KIF27: variants seen among roughly 807,000 people sequenced by gnomAD.
The protein encoded by KIF27 is kinesin-like protein KIF27.
In KIF27, 84 loss-of-function variants were observed where a neutral mutation model predicts 141.8. The ratio of observed to expected loss-of-function variants is 0.59; its 90% CI spans 0.50 to 0.71. The LOEUF is 0.71. Among genes scored for constraint, KIF27 ranks in the 30% least tolerant of loss-of-function variants. The pLI is 0.00. For synonymous variants in KIF27, 471 were observed against 569.5 expected (o/e 0.83, Z 2.46); for missense variants, 1,306 against 1,628.4 (o/e 0.80, Z 3.41).
At chr9:83,913,975 G>A (rs1217232285) in intron 2 of KIF27, among the ~76,000 whole-genome samples, 1 of 151,858 alleles carries the variant, frequency 6.6e-6, no homozygotes, top group East Asian at 1.9e-4. Context: ...CATCCAAAAT[G>A]TTCTTAATGG....
Position 83,907,389 on chromosome 9 carries a change from A to G in KIF27, c.499+1063T>C, listed in dbSNP as rs150089706. Among the ~76,000 whole-genome samples the G allele has an allele frequency of 4.0e-5, 6 of 151,504 alleles. No individual in the cohort carries two copies. In the South Asian group the frequency reaches 1.2e-3, roughly 31 times the overall value. On this transcript the variant is annotated intron_variant, in intron 3 of 17. Transcript: ENST00000297814. ...TGGAAGGAAACCCACCAAAAAGAGA[A>G]GTTGGTATTTCTAGGCGCTAGGATT...
chr9:83,872,008 C>T (rs1420816242), intron 11 of KIF27, among the ~76,000 whole-genome samples: 1 of 150,714 alleles, frequency 6.6e-6, no homozygotes, highest in Non-Finnish European at 1.5e-5. Context: ...AGCCTCCATC[C>T]ACATCTTAAG....
chr9:83,917,132 C>A (rs565209899), intron 1 of KIF27, among the ~76,000 whole-genome samples: 7 of 151,930 alleles, frequency 4.6e-5, no homozygotes, highest in Admixed American at 6.6e-5. Context: ...TCCCTCCCCC[C>A]TTCCCCCACC....
chr9:83,905,790 A>G (rs1954457818), intron 3 of KIF27, among the ~76,000 whole-genome samples: 1 of 152,190 alleles, frequency 6.6e-6, no homozygotes, highest in South Asian at 2.1e-4. Context: ...GTGAAGTAGG[A>G]CCCAGAAATC....
chr9:83,875,560 A>G (rs1951147249), intron 11 of KIF27, among the ~76,000 whole-genome samples: 1 of 152,198 alleles, frequency 6.6e-6, no homozygotes, highest in Admixed American at 6.6e-5. Flanking sequence ...AGGATGGAGT[A>G]TAGAAGAGGG....
chr9:83,839,269 C>A (rs1043709774), intron 17 of KIF27, among the ~76,000 whole-genome samples: 1 of 152,170 alleles, frequency 6.6e-6, no homozygotes, highest in Non-Finnish European at 1.5e-5. Context: ...GAGGCTCACT[C>A]CAAAGCCCAC....
chr9:83,862,889 A>C (rs1377627846), intron 13 of KIF27, among the ~76,000 whole-genome samples: 1 of 152,164 alleles, frequency 6.6e-6, no homozygotes, highest in Non-Finnish European at 1.5e-5. Flanking sequence ...GAGATCCTTC[A>C]CATCCCTGGT....
At chr9:83,856,106 T>A (rs1240972996) in intron 14 of KIF27, among the ~76,000 whole-genome samples, 1 of 152,160 alleles carries the variant, frequency 6.6e-6, no homozygotes, top group Non-Finnish European at 1.5e-5. Context: ...TGCTTTATGA[T>A]AGAGCACTGC....
chr9:83,841,882 T>G (rs1946612654), intron 17 of KIF27, among the ~76,000 whole-genome samples: 1 of 152,204 alleles, frequency 6.6e-6, no homozygotes, highest in South Asian at 2.1e-4. Context: ...CTTTTACTCT[T>G]ACCTACCATA....
chr9:83,914,094 C>A (rs191573327), intron 2 of KIF27, among the ~76,000 whole-genome samples: 5 of 147,194 alleles, frequency 3.4e-5, no homozygotes, highest in Admixed American at 2.0e-4. Flanking sequence ...TACTCATGGT[C>A]TCTTAATAAT....
chr9:83,879,579 G>T (rs1180402631), intron 11 of KIF27, among the ~76,000 whole-genome samples: 1 of 151,946 alleles, frequency 6.6e-6, no homozygotes, highest in East Asian at 1.9e-4. Context: ...ACAGAGCCTG[G>T]CACATAGTAC....
chr9:83,873,944 T>TGGGA (rs1951002849), intron 11 of KIF27, among the ~76,000 whole-genome samples: 1 of 151,742 alleles, frequency 6.6e-6, no homozygotes, highest in South Asian at 2.1e-4. Context: ...CCCAGCTACT[T>TGGGA]GGGAGGCTGA....
At position 83,836,148 on chromosome 9, in the gene KIF27, A is replaced by C. The variant is rs1437261083; in HGVS notation, c.*853T>G. Among the ~76,000 whole-genome samples, 1 of 152,194 alleles carries C rather than the reference A, an allele frequency of 6.6e-6. No homozygotes were observed. The highest frequency in any genetic ancestry group is 2.4e-5 in the African/African-American group (1 of 41,434). On this transcript the variant is annotated 3_prime_UTR_variant, in exon 18 of 18. Coordinates refer to ENST00000297814, the MANE Select transcript of KIF27 (RefSeq NM_017576.4). ...AAAAATATCAGACTTAAGCCCATCA[A>C]ATCATTAAAGATGCTTTGGCAAGAC... is the stretch of plus-strand genomic sequence containing the variant.
chr9:83,915,296 A>C lies in KIF27; in HGVS notation c.296T>G (p.Ile99Ser), dbSNP rs1362700694. The C allele has an allele frequency of 1.3e-6, 2 of 1,592,406 alleles. No homozygotes were observed. The highest frequency in any genetic ancestry group is 1.1e-5 in the South Asian group (1 of 87,758). ...GKTYTIGGGH[I>S]ASVVEGQKGI... ...GTCAAAGAGTATAAGAATCTTACCA[A>C]TATGGCCCCCTCCAATGGTGTATGT... Residue 99 changes from isoleucine (I) to serine (S), a missense_variant and splice_region_variant, in exon 2 of 18, where the codon ATT (isoleucine) becomes AGT (serine). By Grantham distance (142) the Ile-to-Ser change is moderately radical. Transcript: ENST00000297814.
intron 11 of KIF27, among the ~76,000 whole-genome samples, chr9:83,879,964 C>A (rs1400061869): frequency 6.6e-6 from 1 of 152,294 alleles, no homozygotes; most frequent in South Asian, 2.1e-4. Flanking sequence ...ACTTTGAAAA[C>A]AGAAAATCCT....
intron 13 of KIF27, among the ~76,000 whole-genome samples, chr9:83,862,237 T>C (rs1949995379): frequency 6.6e-6 from 1 of 152,076 alleles, no homozygotes; most frequent in Non-Finnish European, 1.5e-5. Context: ...GTTTTAGACA[T>C]GAAGTCCTTG....
chr9:83,875,301 G>T (rs1249565246), intron 11 of KIF27, among the ~76,000 whole-genome samples: 1 of 152,204 alleles, frequency 6.6e-6, no homozygotes, highest in Admixed American at 6.5e-5. Flanking sequence ...AAGAGCCAAT[G>T]ATGATGCCTA....
At chr9:83,848,206 ATGATATATATGATATAT>A (rs1947833785) in intron 16 of KIF27, among the ~76,000 whole-genome samples, 1 of 56,568 alleles carries the variant, frequency 1.8e-5, no homozygotes, top group Non-Finnish European at 3.1e-5. Context: ...TATATCAGAT[ATGATATATATGATATAT>A]CAGATATGAT....
intron 1 of KIF27, among the ~76,000 whole-genome samples, chr9:83,916,970 C>T (rs1432366283): frequency 2.7e-5 from 4 of 149,674 alleles, no homozygotes; most frequent in African/African-American, 4.9e-5. Context: ...ACAGAACACT[C>T]TTTTTTTTTT....
Sources: allele counts gnomAD v4.1 joint callset (sites outside exome capture counted in the v4.1 genomes callset), GRCh38; gene constraint gnomAD v4.1.1; transcripts MANE v1.5; gene names NCBI Gene and HGNC (gene_info 2026-07-23, HGNC 2026-07-21).